Variants in CASTOR1 observed in about 807,000 individuals in gnomAD.
CASTOR1 encodes the protein GATS protein like 3.
In CASTOR1, 18 loss-of-function variants were observed where a neutral mutation model predicts 33.7. The ratio of observed to expected loss-of-function variants is 0.53; its 90% CI spans 0.37 to 0.79. The LOEUF (loss-of-function observed/expected upper bound fraction) is 0.79. CASTOR1 is among the 30% of genes least tolerant of loss of function. CASTOR1 has a pLI of 0.00. For synonymous variants in CASTOR1, 175 were observed against 190.6 expected (o/e 0.92, Z 0.67); for missense variants, 362 against 446.3 (o/e 0.81, Z 1.70).
chr22:30,288,631 C>A, intron 2 of CASTOR1, 75 bp downstream of exon 2: 1 of 1,305,048 alleles, frequency 7.7e-7, no homozygotes, highest in Non-Finnish European at 1.1e-6. Flanking sequence ...CGGATCCCAG[C>A]AACTGGTGAG....
Position 30,286,834 on chromosome 22 carries a change from TAGAAG to T in CASTOR1, c.615_619del (p.Phe206LeufsTer11). On this transcript the variant is annotated frameshift_variant, in exon 5 of 9. Transcript: ENST00000407689. LOFTEE classifies it high-confidence loss of function. ...AAGTTCCAAGGTCCACCTGTGCGAG[TAGAAG>T]AGGACATCTATGAGGGTGGTGGCGA... 1 of 1,613,576 alleles carries T rather than the reference TAGAAG, an allele frequency of 6.2e-7. No homozygotes were observed. The highest frequency in any genetic ancestry group is 8.5e-7 in the Non-Finnish European group (1 of 1,179,882).
chr22:30,286,145 G>C (rs769373208), intron 6 of CASTOR1, 47 bp from the exon 7 acceptor site: 1 of 1,465,122 alleles, frequency 6.8e-7, no homozygotes, highest in Non-Finnish European at 9.3e-7. Flanking sequence ...ATCCACCCCT[G>C]CCTGACCGTG....
In CASTOR1 at chr22:30,287,743, G is replaced by A. The variant is rs553876092; in HGVS notation, c.185-183C>T. On this transcript the variant is annotated intron_variant, in intron 2 of 8. Coordinates refer to ENST00000407689, the MANE Select transcript of CASTOR1 (RefSeq NM_001037666.3). ...AAAGGCTTCAAGTGCTGGCCTGGTG[G>A]CATTGAAACTTCCCACTTAAGATCA... The A allele has an allele frequency of 4.6e-4, 326 of 714,534 alleles. No homozygotes were observed. In the Middle Eastern group the frequency reaches 4.6e-3, roughly 10 times the overall value. 44.3% of individuals were successfully genotyped at this position (714,534 alleles called of 1,614,324 possible).
intron 5 of CASTOR1, 134 bp downstream of exon 5, chr22:30,286,691 G>A (rs2145752125): frequency 8.8e-7 from 1 of 1,139,392 alleles, no homozygotes; most frequent in East Asian, 2.5e-5. Context: ...TGAAGCACAA[G>A]TGAGCATCAT....
At position 30,287,424 on chromosome 22, in the gene CASTOR1, C is replaced by T. The variant is rs1455452471; in HGVS notation, c.321G>A (p.Glu107=). 12 of 1,613,346 alleles carry T rather than the reference C, an allele frequency of 7.4e-6. No homozygotes were observed. Among genetic ancestry groups the T allele is most frequent in the East Asian group, 4.5e-5 (2 of 44,906 alleles). ...ACAGCATCAGCACAGACACGTGGTG[C>T]TCGGCCAGTGGCGCGATGACCGAAC... ...IARSVIAPLA[E]HHVSVLMLST... Residue 107 remains glutamate, a synonymous_variant, in exon 3 of 9, where the codon GAG becomes GAA. Transcript: ENST00000407689.
chr22:30,287,621 C>A, intron 2 of CASTOR1, 61 bp from the exon 3 acceptor site: 1 of 1,460,258 alleles, frequency 6.8e-7, no homozygotes, highest in Non-Finnish European at 9.2e-7. Flanking sequence ...CCTCTCTGAG[C>A]CTCAGTTTCC....
intron 5 of CASTOR1, 100 bp from the exon 6 acceptor site, chr22:30,286,476 G>A: frequency 1.2e-6 from 1 of 824,052 alleles, no homozygotes; most frequent in Non-Finnish European, 2.0e-6. Flanking sequence ...CTGGTATGGT[G>A]GCCTGGGCAG....
chr22:30,287,454 G>A lies in CASTOR1; in HGVS notation c.291C>T (p.Ile97=), dbSNP rs529764080. 6.2e-6 allele frequency: 10 copies of A among 1,613,390 alleles called. No individual in the cohort carries two copies. The African/African-American group carries it at 1.1e-4, about 17-fold the overall frequency. The change falls in exon 3 of 9, where the codon ATC becomes ATT. Residue 97 remains isoleucine, a synonymous_variant. Coordinates refer to ENST00000407689, the MANE Select transcript of CASTOR1 (RefSeq NM_001037666.3). ...AAVQAAGVTK[I]ARSVIAPLAE... ...CCAGTGGCGCGATGACCGAACGGGC[G>A]ATCTTGGTGACCCCAGCAGCCTGCA...
At chr22:30,285,728 G>A in intron 8 of CASTOR1, 40 bp from the exon 9 acceptor site, 1 of 1,532,930 alleles carries the variant, frequency 6.5e-7, no homozygotes, top group Non-Finnish European at 8.8e-7. Context: ...CAAGGCGGAA[G>A]CTGGCCAGGG....
chr22:30,285,918 C>T lies in CASTOR1; in HGVS notation c.835G>A (p.Gly279Ser). ...GGACCTGCAATCTGTGCCACGATGC[C>T]ACATTCATCTGAGGGTGGTGGAGGA... The part of the protein sequence containing the change: ...GGQPLGFDEC[G>S]IVAQIAGPLA... The change falls in exon 8 of 9, where the codon GGC becomes AGC. Residue 279 changes from glycine (G) to serine (S), a missense_variant. Transcript: ENST00000407689. The T allele has an allele frequency of 6.2e-7, 1 of 1,604,708 alleles. No homozygotes were observed. Among genetic ancestry groups the T allele is most frequent in the South Asian group, 1.1e-5 (1 of 89,400 alleles).
rs779407828 is a variant in CASTOR1, at chr22:30,288,715, C to T, written c.175G>A (p.Gly59Ser). 6.2e-7 allele frequency: 1 copy of T among 1,612,418 alleles called. No individual in the cohort carries two copies. Among genetic ancestry groups the T allele is most frequent in the Non-Finnish European group, 8.5e-7 (1 of 1,179,386 alleles). ...EDYTLMVDEE[G>S]FKELPPSEFL... ...CCAGACCAACCCCCACCTTTAAAGC[C>T]CTCCTCGTCCACCATAAGCGTGTAA... The change falls in exon 2 of 9, where the codon GGC becomes AGC. Residue 59 changes from glycine (G) to serine (S), a missense_variant. Gly to Ser is a moderately conservative substitution (Grantham distance 56). Transcript: ENST00000407689.
rs1303416764 is a variant in CASTOR1, at chr22:30,285,642, C to T, written c.968G>A (p.Arg323Gln). 1.3e-5 allele frequency: 20 copies of T among 1,568,706 alleles called. No individual in the cohort carries two copies. Among genetic ancestry groups the T allele is most frequent in the African/African-American group, 5.4e-5 (4 of 73,886 alleles). The change falls in exon 9 of 9, where the codon CGG becomes CAG. Residue 323 changes from arginine to glutamine, a missense_variant. By Grantham distance (43) the Arg-to-Gln change is conservative. Coordinates refer to ENST00000407689, the MANE Select transcript of CASTOR1 (RefSeq NM_001037666.3). The stretch of plus-strand genomic sequence containing the variant: ...GCCTCAGGAAGCCAGGCCTTCCTGC[C>T]GCCGCTGGAGGACCTCGATGACGCT... Reference protein sequence around the residue: ...IGSVIEVLQRRQEGLAS With the variant: ...IGSVIEVLQRQQEGLAS
chr22:30,287,589 G>T lies in CASTOR1; in HGVS notation c.185-29C>A, dbSNP rs1305162130. 3 of 1,580,356 alleles carry T rather than the reference G, an allele frequency of 1.9e-6. No individual in the cohort carries two copies. The Admixed American group carries it at 5.4e-5, about 28-fold the overall frequency. On this transcript the variant is annotated intron_variant, in intron 2 of 8. Coordinates refer to ENST00000407689, the MANE Select transcript of CASTOR1 (RefSeq NM_001037666.3). ...TGGGCAGGGGACATGTCAGGTCAGGGTCTACAAGGCTGGCCCCTGCCCCTC... is the reference window on the plus strand; with the variant it reads ...TGGGCAGGGGACATGTCAGGTCAGGTTCTACAAGGCTGGCCCCTGCCCCTC...
rs780915705 is a variant in CASTOR1, at chr22:30,285,828, T to TCCCCCTG, written c.921+3_921+4insCAGGGGG. On this transcript the variant is annotated splice_donor_region_variant and intron_variant, in intron 8 of 8. Coordinates refer to ENST00000407689, the MANE Select transcript of CASTOR1 (RefSeq NM_001037666.3). ...TCCCCTCTGCCCCAGCCCTTGGTGC[T>TCCCCCTG]CACCAGGGCGTGGTCGAAGTTGAAG... The TCCCCCTG allele has an allele frequency of 1.7e-5, 27 of 1,604,604 alleles. No individual in the cohort carries two copies. The highest frequency in any genetic ancestry group is 3.4e-5 in the Admixed American group (2 of 58,492).
Position 30,285,812 on chromosome 22 carries a change from C to CCCCAGCCCTTGGTGCTCCCCCTGA in CASTOR1, c.921+19_921+20insTCAGGGGGAGCACCAAGGGCTGGG. The CCCCAGCCCTTGGTGCTCCCCCTGA allele has an allele frequency of 6.3e-7, 1 of 1,598,028 alleles. No individual in the cohort carries two copies. The highest frequency in any genetic ancestry group is 8.5e-7 in the Non-Finnish European group (1 of 1,171,478). ...TTTCTGGGCCTCACTCTCCCCTCTGCCCCAGCCCTTGGTGCTCACCAGGGC... is the reference window on the plus strand; with the variant it reads ...TTTCTGGGCCTCACTCTCCCCTCTGCCCCAGCCCTTGGTGCTCCCCCTGACCCAGCCCTTGGTGCTCACCAGGGC... On this transcript the variant is annotated intron_variant, in intron 8 of 8. Transcript: ENST00000407689.
chr22:30,287,107 G>A (rs750324331), intron 4 of CASTOR1, 48 bp downstream of exon 4: 51 of 1,570,682 alleles, frequency 3.2e-5, no homozygotes, highest in Non-Finnish European at 4.3e-5. Flanking sequence ...GGACCCAGTG[G>A]GAAGAGGAGG....
At position 30,287,383 on chromosome 22, in the gene CASTOR1, T is replaced by G; in HGVS notation, c.362A>C (p.Asp121Ala). 1 of 1,611,774 alleles carries G rather than the reference T, an allele frequency of 6.2e-7. No homozygotes were observed. Among genetic ancestry groups the G allele is most frequent in the Non-Finnish European group, 8.5e-7 (1 of 1,178,818 alleles). ...CAGCAGGAAACTCACCAGGATGAAG[T>G]CCGTCTGGTAAGTGGACAGCATCAG... The part of the protein sequence containing the change: ...SVLMLSTYQT[D>A]FILVREQDLS... Residue 121 changes from aspartate to alanine, a missense_variant, in exon 3 of 9, where the codon GAC becomes GCC. Physicochemically the swap from Asp to Ala is moderately radical, Grantham distance 126. Coordinates refer to ENST00000407689, the MANE Select transcript of CASTOR1 (RefSeq NM_001037666.3).
rs1229801057 is a variant in CASTOR1 at position 30,286,044 on chromosome 22, C to T, written c.798G>A (p.Val266=). The T allele has an allele frequency of 3.8e-6, 6 of 1,588,092 alleles. No homozygotes were observed. Among genetic ancestry groups the T allele is most frequent in the Non-Finnish European group, 4.3e-6 (5 of 1,165,478 alleles). Residue 266 remains valine, a synonymous_variant, in exon 7 of 9, where the codon GTG becomes GTA. Transcript: ENST00000407689. The stretch of plus-strand genomic sequence containing the variant: ...AGCCCAGGGGCTGTCCACCGATGCG[C>T]ACCATCCTCCACAGCTCCCCCGAGG... ...TSSSGELWRM[V]RIGGQPLGFD...
chr22:30,288,826 C>T, intron 1 of CASTOR1, 50 bp from the exon 2 acceptor site: 1 of 1,512,170 alleles, frequency 6.6e-7, no homozygotes, highest in East Asian at 2.4e-5. Context: ...AACTAGGGGT[C>T]GGGAGTGGAT....
Sources: gnomAD v4.1 joint callset for allele counts on GRCh38, gnomAD v4.1.1 for gene constraint, MANE v1.5 for transcripts, NCBI Gene and HGNC (gene_info 2026-07-23, HGNC 2026-07-21) for gene names.